The following CDH23 variants were observed in gnomAD, a reference collection of about 807,000 sequenced individuals.
CDH23 encodes cadherin-23.
In CDH23, 189 loss-of-function variants were observed where a neutral mutation model predicts 317.1. The ratio of observed to expected loss-of-function variants is 0.60; its 90% confidence interval spans 0.53 to 0.67. The LOEUF (loss-of-function observed/expected upper bound fraction) is 0.67, where lower values mean the gene tolerates loss of function less well. Ranked by LOEUF, CDH23 falls within the 30% of genes least tolerant of loss-of-function variation. The probability of loss-of-function intolerance (pLI) is 0.00; values close to 1 mark genes in which losing one functional copy is unlikely to be tolerated. For synonymous variants in CDH23, 1,839 were observed against 1,876.8 expected, an observed-to-expected ratio of 0.98 and a Z score of 0.52; for missense variants, 4,401 against 4,592.4, an observed-to-expected ratio of 0.96 and a Z score of 1.20.
intron 14 of CDH23, among the ~76,000 whole-genome samples, chr10:71,650,599 C>T (rs1490107619): frequency 6.6e-6 from 1 of 152,178 alleles, no homozygotes. Flanking sequence ...CGACTACATG[C>T]ATTTGGGGAT....
chr10:71,694,740 G>A (rs902077666), intron 21 of CDH23, among the ~76,000 whole-genome samples: 1 of 152,148 alleles, frequency 6.6e-6, no homozygotes, highest in African/African-American at 2.4e-5. Flanking sequence ...GCTCTCGGCT[G>A]CAGAAGTGAA....
intron 6 of CDH23, among the ~76,000 whole-genome samples, chr10:71,545,331 C>T (rs778184557): frequency 2.4e-4 from 37 of 152,068 alleles, no homozygotes; most frequent in Admixed American, 5.9e-4. Flanking sequence ...CCCATTAGAC[C>T]GTTCTCATCC....
At chr10:71,713,314 C>T (rs780984741) in intron 28 of CDH23, 1 of 778,476 alleles carries the variant, frequency 1.3e-6, no homozygotes, top group South Asian at 1.3e-5. Flanking sequence ...AAGGGAGGAC[C>T]CTGAAAACAA....
chr10:71,658,889 G>A (rs946709705), intron 14 of CDH23, among the ~76,000 whole-genome samples: 1 of 152,186 alleles, frequency 6.6e-6, no homozygotes, highest in African/African-American at 2.4e-5. Flanking sequence ...CAGGGAAAGT[G>A]GGCTTGCAAG....
At chr10:71,507,970 T>C (rs1371964173) in intron 3 of CDH23, among the ~76,000 whole-genome samples, 3 of 152,194 alleles carry the variant, frequency 2.0e-5, no homozygotes, top group African/African-American at 7.2e-5. Context: ...AACTCCGAAA[T>C]GGGAGGGTTG....
intron 32 of CDH23, 178 bp downstream of exon 32, chr10:71,732,553 G>C (rs1244413871): frequency 7.6e-7 from 1 of 1,316,148 alleles, no homozygotes; most frequent in African/African-American, 1.5e-5. Flanking sequence ...GATTGCTTCA[G>C]CTCAGGAGTT....
intron 47 of CDH23, among the ~76,000 whole-genome samples, chr10:71,791,890 G>A (rs980381536): frequency 6.6e-6 from 1 of 151,880 alleles, no homozygotes; most frequent in South Asian, 2.1e-4. Flanking sequence ...AGATTCCTAA[G>A]TATTCTCCAT....
intron 14 of CDH23, among the ~76,000 whole-genome samples, chr10:71,661,805 ACCCTGCACG>A (rs1863674605): frequency 5.3e-5 from 2 of 37,612 alleles, no homozygotes; most frequent in African/African-American, 1.1e-4. Flanking sequence ...GCCCCCTCCC[ACCCTGCACG>A]CCCCCTCCCA....
chr10:71,810,534 G>A lies in CDH23; in HGVS notation c.9042G>A (p.Val3014=), dbSNP rs1468971369. 2 of 1,613,986 alleles carry A rather than the reference G, an allele frequency of 1.2e-6. No homozygotes were observed. Among genetic ancestry groups the A allele is most frequent in the Non-Finnish European group, 8.5e-7 (1 of 1,179,870 alleles). ...AGACAGAACTGCTTATCCACGTGGTGAACCGCGATACCAACCGCATCCTGG... is the reference window on the plus strand; with the variant it reads ...AGACAGAACTGCTTATCCACGTGGTAAACCGCGATACCAACCGCATCCTGG... ...FAQTELLIHV[V]NRDTNRILDV... Residue 3014 remains valine (V), a synonymous_variant, in exon 62 of 70, where the codon GTG becomes GTA. Transcript: ENST00000224721.
At chr10:71,722,526 G>T (rs1866606339) in intron 28 of CDH23, among the ~76,000 whole-genome samples, 1 of 152,222 alleles carries the variant, frequency 6.6e-6, no homozygotes, top group Non-Finnish European at 1.5e-5. Flanking sequence ...CCTACTGTGT[G>T]CCAGGATTGT....
intron 3 of CDH23, among the ~76,000 whole-genome samples, chr10:71,464,769 G>A (rs1038137674): frequency 6.6e-6 from 1 of 152,198 alleles, no homozygotes; most frequent in African/African-American, 2.4e-5. Flanking sequence ...ACTGGTGGAA[G>A]CTAGATCTCT....
At chr10:71,671,838 G>A (rs1864161679) in intron 14 of CDH23, among the ~76,000 whole-genome samples, 1 of 152,198 alleles carries the variant, frequency 6.6e-6, no homozygotes, top group South Asian at 2.1e-4. Flanking sequence ...AAAGTGGGTG[G>A]GAGGTAATGA....
intron 34 of CDH23, among the ~76,000 whole-genome samples, chr10:71,736,610 C>G (rs1430546291): frequency 3.9e-5 from 6 of 152,184 alleles, no homozygotes; most frequent in Admixed American, 1.3e-4. Flanking sequence ...TGTCCTCCTT[C>G]CTCACCCACT....
chr10:71,790,472 C>A (rs2132948282), intron 46 of CDH23, 59 bp downstream of exon 46: 1 of 1,587,592 alleles, frequency 6.3e-7, no homozygotes, highest in Non-Finnish European at 8.6e-7. Flanking sequence ...GATGGCCACA[C>A]TGCTGGATTG....
rs745855338 is a variant in CDH23 at position 71,725,506 on chromosome 10, C to T, written c.3565C>T (p.Arg1189Trp). ...EAYNHDLGPM[R>W]SSVRVIVYVE... The stretch of plus-strand genomic sequence containing the variant: ...CTACAACCACGACCTGGGCCCCATG[C>T]GGAGCTCCGTCAGGGTGAGGCTAGG... The change falls in exon 30 of 70, where the codon CGG becomes TGG. Residue 1189 changes from arginine (R) to tryptophan (W), a missense_variant. Around this residue, in one of 3 missense-constraint regions of CDH23, gnomAD observed 3,068 missense variants for 3,203.3 expected, o/e 0.96. Coordinates refer to ENST00000224721, the MANE Select transcript of CDH23 (RefSeq NM_022124.6). 2 of 1,613,310 alleles carry T rather than the reference C, an allele frequency of 1.2e-6. No homozygotes were observed. Among genetic ancestry groups the T allele is most frequent in the African/African-American group, 1.3e-5 (1 of 75,050 alleles).
intron 9 of CDH23, among the ~76,000 whole-genome samples, chr10:71,583,462 A>G (rs192861354): frequency 1.1e-3 from 174 of 152,068 alleles, no homozygotes; most frequent in African/African-American, 4.1e-3. Flanking sequence ...AGCAGGTAGG[A>G]GCAGGTAGGG....
intron 22 of CDH23, among the ~76,000 whole-genome samples, chr10:71,698,846 A>C (rs1302689888): frequency 1.3e-5 from 2 of 152,232 alleles, no homozygotes; most frequent in Non-Finnish European, 2.9e-5. Context: ...TTAGTGATTA[A>C]GCAGGCAGCC....
At chr10:71,742,219 G>A (rs1432014249) in intron 38 of CDH23, among the ~76,000 whole-genome samples, 1 of 152,198 alleles carries the variant, frequency 6.6e-6, no homozygotes, top group Non-Finnish European at 1.5e-5. Flanking sequence ...TTGAGCCTCT[G>A]TATTGGGGCC....
chr10:71,738,776 A>T, intron 35 of CDH23, 129 bp downstream of exon 35: 4 of 1,189,026 alleles, frequency 3.4e-6, no homozygotes, highest in Non-Finnish European at 3.5e-6. Context: ...TGCCCCTGCA[A>T]TCACCCAGTC....
Sources: gnomAD v4.1 joint callset for allele counts (sites outside exome capture counted in the v4.1 genomes callset) on GRCh38, gnomAD v4.1.1 for gene constraint, gnomAD v4.1.1 regional missense constraint, MANE v1.5 for transcripts, NCBI Gene and HGNC (gene_info 2026-07-23, HGNC 2026-07-21) for gene names.